JAZF1: variants seen among roughly 807,000 people sequenced by gnomAD.
The protein encoded by JAZF1 is JAZF zinc finger 1.
JAZF1 carries 8 observed loss-of-function variants against 26.4 expected under a neutral mutation model. The observed-to-expected ratio is 0.30, with a 90% confidence interval of 0.18 to 0.55. The LOEUF (loss-of-function observed/expected upper bound fraction) is 0.55, where lower values mean the gene tolerates loss of function less well. JAZF1 is among the 20% of genes least tolerant of loss of function. The pLI is 0.94. For synonymous variants in JAZF1, 126 were observed against 122.3 expected (o/e 1.03, Z -0.20); for missense variants, 199 against 322.0 (o/e 0.62, Z 2.92).
rs796185626 is a variant in JAZF1 at position 28,171,498 on chromosome 7, T to C, written c.115+8965A>G. On this transcript the variant is annotated intron_variant, in intron 1 of 4. Transcript: ENST00000283928. ...CGAGGATAGGATGATGACAAGACCC[T>C]GAGTTTCTGGGGGAGGAAACAGTGC... Among the ~76,000 whole-genome samples, 46 of 152,344 alleles carry C rather than the reference T, an allele frequency of 3.0e-4. 1 individual carries two copies. Among genetic ancestry groups the C allele is most frequent in the African/African-American group, 1.1e-3 (46 of 41,572 alleles).
intron 2 of JAZF1, among the ~76,000 whole-genome samples, chr7:27,947,601 T>C (rs1239870720): frequency 6.6e-6 from 1 of 152,222 alleles, no homozygotes; most frequent in Non-Finnish European, 1.5e-5. Flanking sequence ...CTTTGATCCA[T>C]GACTATGTGT....
At chr7:28,053,168 T>A (rs998430233) in intron 1 of JAZF1, among the ~76,000 whole-genome samples, 1 of 152,244 alleles carries the variant, frequency 6.6e-6, no homozygotes, top group African/African-American at 2.4e-5. Context: ...TCATTACATC[T>A]GCATGACATT....
chr7:28,008,682 G>T (rs1042884643), intron 1 of JAZF1, among the ~76,000 whole-genome samples: 7 of 152,198 alleles, frequency 4.6e-5, no homozygotes, highest in Admixed American at 3.3e-4. Flanking sequence ...ATTTTACTTT[G>T]CTATCCTTGG....
At chr7:27,963,662 A>G (rs564530807) in intron 2 of JAZF1, among the ~76,000 whole-genome samples, 3 of 150,298 alleles carry the variant, frequency 2.0e-5, no homozygotes, top group Non-Finnish European at 4.4e-5. Flanking sequence ...CCTGGCCTCA[A>G]GTGATCCTCC....
chr7:27,950,997 C>T lies in JAZF1; in HGVS notation c.188+40912G>A, dbSNP rs149027975. Among the ~76,000 whole-genome samples the T allele has an allele frequency of 3.8e-3, 579 of 152,172 alleles. 2 individuals carry two copies. Among genetic ancestry groups the T allele is most frequent in the African/African-American group, 0.013 (546 of 41,494 alleles). On this transcript the variant is annotated intron_variant, in intron 2 of 4. Coordinates refer to ENST00000283928, the MANE Select transcript of JAZF1 (RefSeq NM_175061.4). The stretch of plus-strand genomic sequence containing the variant: ...CTGCAAATACAAAATGAAGCAACTA[C>T]ATTTTCCATTTTAAATGATATTTAA...
At chr7:28,090,920 G>A (rs1237913025) in intron 1 of JAZF1, among the ~76,000 whole-genome samples, 3 of 142,630 alleles carry the variant, frequency 2.1e-5, no homozygotes, top group Non-Finnish European at 3.0e-5. Context: ...TCCGCTTCCC[G>A]GGTTCACGCC....
At chr7:27,968,248 C>T (rs775663515) in intron 2 of JAZF1, among the ~76,000 whole-genome samples, 1 of 152,254 alleles carries the variant, frequency 6.6e-6, no homozygotes, top group Admixed American at 6.5e-5. Flanking sequence ...TTTGCCATAA[C>T]AAGTATTATT....
Position 28,020,469 on chromosome 7 carries a change from T to C in JAZF1, c.116-28488A>G, listed in dbSNP as rs558012454. On this transcript the variant is annotated intron_variant, in intron 1 of 4. Coordinates refer to ENST00000283928, the MANE Select transcript of JAZF1 (RefSeq NM_175061.4). ...CCAGCGCCTCCACGGTGCCTTCTCCTCCTGGAAGCAGGAGTTGAAGCCTAT... is the reference window on the plus strand; with the variant it reads ...CCAGCGCCTCCACGGTGCCTTCTCCCCCTGGAAGCAGGAGTTGAAGCCTAT... 12 of 413,676 alleles carry C rather than the reference T, an allele frequency of 2.9e-5. No individual in the cohort carries two copies. The East Asian group carries it at 3.7e-4, about 13-fold the overall frequency. The allele number at this position is 413,676 out of a possible 1,614,324, so 25.6% of individuals were successfully genotyped here. A position where few individuals can be genotyped will look rare whatever the true frequency, so the allele number is the denominator to read the frequency against.
rs117264966 is a variant in JAZF1, at chr7:28,047,745, G to A, written c.116-55764C>T. ...CATATGGATTCTGGCCTTTTATGCC[G>A]TTAACTAAGCAAATTACACTGATTT... is the stretch of plus-strand genomic sequence containing the variant. On this transcript the variant is annotated intron_variant, in intron 1 of 4. Transcript: ENST00000283928. Among the ~76,000 whole-genome samples, 939 of 152,146 alleles carry A rather than the reference G, an allele frequency of 6.2e-3. 4 individuals carry two copies. Among genetic ancestry groups the A allele is most frequent in the Middle Eastern group, 0.014 (4 of 294 alleles).
intron 1 of JAZF1, among the ~76,000 whole-genome samples, chr7:28,069,374 A>T (rs1048773467): frequency 2.6e-5 from 4 of 152,158 alleles, no homozygotes; most frequent in African/African-American, 9.7e-5. Context: ...TACCCTGGGG[A>T]TTTTGCCTTG....
At chr7:28,133,252 T>A (rs1281220491) in intron 1 of JAZF1, among the ~76,000 whole-genome samples, 1 of 152,160 alleles carries the variant, frequency 6.6e-6, no homozygotes, top group Non-Finnish European at 1.5e-5. Context: ...CCAGCTACCA[T>A]CAGCTGCCCT....
At chr7:28,168,647 C>G (rs1252104700) in intron 1 of JAZF1, among the ~76,000 whole-genome samples, 1 of 152,160 alleles carries the variant, frequency 6.6e-6, no homozygotes, top group Admixed American at 6.5e-5. Context: ...CTTTCACCAC[C>G]ACAGGTGCCC....
At chr7:27,857,388 C>A (rs1783288897) in intron 3 of JAZF1, among the ~76,000 whole-genome samples, 1 of 152,214 alleles carries the variant, frequency 6.6e-6, no homozygotes, top group Admixed American at 6.5e-5. Flanking sequence ...CCACCTGCGC[C>A]TCTCCCTCCA....
intron 3 of JAZF1, among the ~76,000 whole-genome samples, chr7:27,874,467 C>G (rs140069752): frequency 2.0e-4 from 31 of 152,166 alleles, no homozygotes; most frequent in African/African-American, 6.5e-4. Context: ...CAGGAAGTGC[C>G]ATAAATCTCT....
intron 1 of JAZF1, among the ~76,000 whole-genome samples, chr7:28,160,243 A>AGAAACGT (rs1444757865): frequency 1.3e-5 from 2 of 152,210 alleles, no homozygotes; most frequent in African/African-American, 4.8e-5. Flanking sequence ...AAAAGAGTTG[A>AGAAACGT]GAAACGTGAA....
intron 3 of JAZF1, among the ~76,000 whole-genome samples, chr7:27,845,640 T>A (rs1783010281): frequency 7.3e-6 from 1 of 137,004 alleles, no homozygotes; most frequent in South Asian, 2.2e-4. Context: ...GAGGTTGCAG[T>A]GAGCCAAGAT....
rs75438674 is a variant in JAZF1 at position 28,137,272 on chromosome 7, A to G, written c.115+43191T>C. Among the ~76,000 whole-genome samples, 558 of 152,320 alleles carry G rather than the reference A, an allele frequency of 3.7e-3. 1 individual carries two copies. Among genetic ancestry groups the G allele is most frequent in the Middle Eastern group, 0.01 (3 of 294 alleles). ...CTAGGTAGAGAAGTAACACGATTCA[A>G]TCTGTGTCTTAGAATACCACTCTCA... is the stretch of plus-strand genomic sequence containing the variant. On this transcript the variant is annotated intron_variant, in intron 1 of 4. Coordinates refer to ENST00000283928, the MANE Select transcript of JAZF1 (RefSeq NM_175061.4).
intron 2 of JAZF1, among the ~76,000 whole-genome samples, chr7:27,914,982 G>A (rs1327839236): frequency 6.6e-6 from 1 of 152,104 alleles, no homozygotes; most frequent in African/African-American, 2.4e-5. Context: ...CCTTAGGCGA[G>A]GATTAGACCC....
chr7:28,110,488 G>GAAAGGA (rs1562590836), intron 1 of JAZF1, among the ~76,000 whole-genome samples: 81 of 49,200 alleles, frequency 1.6e-3, no homozygotes, highest in African/African-American at 4.0e-3. Flanking sequence ...GAAAGGAAAG[G>GAAAGGA]AAAGGAAAGG....
Sources: gnomAD v4.1 joint callset for allele counts (sites outside exome capture counted in the v4.1 genomes callset) on GRCh38, gnomAD v4.1.1 for gene constraint, MANE v1.5 for transcripts, NCBI Gene and HGNC (gene_info 2026-07-23, HGNC 2026-07-21) for gene names.